The following CCT6A variants were observed in gnomAD, a reference collection of about 807,000 sequenced individuals.
The protein encoded by CCT6A is chaperonin containing TCP1 subunit 6A.
In CCT6A, 6 loss-of-function variants were observed where a neutral mutation model predicts 58.6. The ratio of observed to expected loss-of-function variants is 0.10; its 90% CI spans 0.06 to 0.20. The LOEUF is 0.20. CCT6A is among the 10% of genes least tolerant of loss of function. The probability of loss-of-function intolerance (pLI) is 1.00; values close to 1 mark genes in which losing one functional copy is unlikely to be tolerated. For synonymous variants in CCT6A, 245 were observed against 227.8 expected (o/e 1.08, Z -0.68); for missense variants, 516 against 648.8 (o/e 0.80, Z 2.22).
At chr7:56,052,092 G>A (rs1794110279) in intron 1 of CCT6A, 107 bp downstream of exon 1, 2 of 990,424 alleles carry the variant, frequency 2.0e-6, no homozygotes, top group Non-Finnish European at 2.7e-6. Context: ...CTGCGCAGCC[G>A]TCCTTCTCGG....
intron 1 of CCT6A, among the ~76,000 whole-genome samples, 163 bp downstream of exon 1, chr7:56,052,148 C>T (rs1794118604): frequency 6.6e-6 from 1 of 152,156 alleles, no homozygotes; most frequent in Non-Finnish European, 1.5e-5. Context: ...CCCACCGTCC[C>T]GGCCATTTCT....
chr7:56,063,294 G>A lies in CCT6A; in HGVS notation c.*209G>A, dbSNP rs1794516067. On this transcript the variant is annotated 3_prime_UTR_variant, in exon 14 of 14. Transcript: ENST00000275603. ...ACTGAAGTGTATACACATAAAGCAG[G>A]TCTTTTATCCAGTGAACAGGATGTT... 1 of 568,104 alleles carries A rather than the reference G, an allele frequency of 1.8e-6. No individual in the cohort carries two copies. The highest frequency in any genetic ancestry group is 3.1e-6 in the Non-Finnish European group (1 of 320,142). 35.2% of individuals were successfully genotyped at this position (568,104 alleles called of 1,614,324 possible). A position where few individuals can be genotyped will look rare whatever the true frequency, so the allele number is the denominator to read the frequency against.
rs1794530832 is a variant in CCT6A at position 56,063,602 on chromosome 7, A to T, written c.*517A>T. On this transcript the variant is annotated 3_prime_UTR_variant, in exon 14 of 14. Coordinates refer to ENST00000275603, the MANE Select transcript of CCT6A (RefSeq NM_001762.4). ...GAACGCCTTTGAAATGGCTTTGCTA[A>T]AATGCTCCCGCCACAAAGTTGTAGG... The T allele has an allele frequency of 6.1e-6, 1 of 165,080 alleles. No individual in the cohort carries two copies. The highest frequency in any genetic ancestry group is 1.8e-4 in the East Asian group (1 of 5,422). 10.2% of individuals were successfully genotyped at this position (165,080 alleles called of 1,614,324 possible).
rs1025706655 is a variant in CCT6A, at chr7:56,054,283, C to G, written c.202-86C>G. On this transcript the variant is annotated intron_variant, in intron 2 of 13. Transcript: ENST00000275603. ...GTAGCTTTTTCAAGTAGATAGCACT[C>G]AAAGAGGCCCTTCCTGCATTTTGTC... 6 of 1,173,522 alleles carry G rather than the reference C, an allele frequency of 5.1e-6. No homozygotes were observed. The Admixed American group carries it at 6.0e-5, about 12-fold the overall frequency. The allele number at this position is 1,173,522 out of a possible 1,614,324, so 72.7% of individuals were successfully genotyped here.
At position 56,058,349 on chromosome 7, in the gene CCT6A, T is replaced by C. The variant is rs1242829546; in HGVS notation, c.726-13T>C. 10 of 1,551,222 alleles carry C rather than the reference T, an allele frequency of 6.4e-6. No individual in the cohort carries two copies. Among genetic ancestry groups the C allele is most frequent in the Non-Finnish European group, 8.7e-6 (10 of 1,153,842 alleles). ...GTTTCCCTGCTTTCTGTAACTTTTT[T>C]TTTTCTTAATAGAGAAGTGAATTCT... On this transcript the variant is annotated splice_polypyrimidine_tract_variant and intron_variant, in intron 6 of 13. Coordinates refer to ENST00000275603, the MANE Select transcript of CCT6A (RefSeq NM_001762.4).
At chr7:56,062,169 A>T (rs1794459234) in intron 12 of CCT6A, 1 of 228,382 alleles carries the variant, frequency 4.4e-6, no homozygotes, top group South Asian at 8.6e-5. Flanking sequence ...AAGAAAATAG[A>T]TGTGGTGATT....
rs566851687 is a variant in CCT6A, at chr7:56,052,106, C to T, written c.137+121C>T. ...GCTGCGCAGCCGTCCTTCTCGGCGTCCTCCGGGGTCGGTCCTGTGTCCCTC... is the reference window on the plus strand; with the variant it reads ...GCTGCGCAGCCGTCCTTCTCGGCGTTCTCCGGGGTCGGTCCTGTGTCCCTC... On this transcript the variant is annotated intron_variant, in intron 1 of 13. Transcript: ENST00000275603. 1,083 of 871,602 alleles carry T rather than the reference C, an allele frequency of 1.2e-3. 3 individuals carry two copies. Among genetic ancestry groups the T allele is most frequent in the Middle Eastern group, 4.5e-3 (12 of 2,688 alleles). The allele number at this position is 871,602 out of a possible 1,614,324, so 54.0% of individuals were successfully genotyped here. A position where few individuals can be genotyped will look rare whatever the true frequency, so the allele number is the denominator to read the frequency against.
chr7:56,052,086 G>A (rs1312272836), intron 1 of CCT6A, 101 bp downstream of exon 1: 3 of 1,045,170 alleles, frequency 2.9e-6, no homozygotes, highest in African/African-American at 3.4e-5. Context: ...TCGGGGCTGC[G>A]CAGCCGTCCT....
intron 2 of CCT6A, among the ~76,000 whole-genome samples, chr7:56,053,612 G>A (rs944064563): frequency 6.6e-6 from 1 of 152,064 alleles, no homozygotes; most frequent in East Asian, 1.9e-4. Flanking sequence ...AAATTAGCCG[G>A]GTGTGGTCCT....
At chr7:56,052,267 G>GACGGGGTGGGC (rs1402975145) in intron 1 of CCT6A, among the ~76,000 whole-genome samples, 155 bp from the exon 2 acceptor site, 3 of 152,220 alleles carry the variant, frequency 2.0e-5, no homozygotes, top group Non-Finnish European at 2.9e-5. Context: ...TCTCTGCGGG[G>GACGGGGTGGGC]ACGGGGTGGG....
rs191804311 is a variant in CCT6A, at chr7:56,052,768, A to T, written c.201+283A>T. Among the ~76,000 whole-genome samples, 18 of 146,082 alleles carry T rather than the reference A, an allele frequency of 1.2e-4. No homozygotes were observed. The East Asian group carries it at 3.5e-3, about 28-fold the overall frequency. On this transcript the variant is annotated intron_variant, in intron 2 of 13. Transcript: ENST00000275603. ...TGACACAATCACATGGGCAAAATGC[A>T]TGAGGATGATTTTTCTTTTCTTTTC...
chr7:56,061,373 GTT>G (rs34651360), intron 11 of CCT6A, among the ~76,000 whole-genome samples: 6,263 of 117,466 alleles, frequency 0.053, 159 homozygotes, highest in East Asian at 0.2. Flanking sequence ...TATGCAATGA[GTT>G]TTTTTTTTTT....
intron 1 of CCT6A, 35 bp from the exon 2 acceptor site, chr7:56,052,387 A>C (rs773261285): frequency 7.8e-5 from 124 of 1,594,878 alleles, no homozygotes; most frequent in Non-Finnish European, 1.0e-4. Context: ...TCGTTGAAAA[A>C]GTCATAGTCT....
intron 5 of CCT6A, among the ~76,000 whole-genome samples, chr7:56,057,632 G>A (rs538871671): frequency 1.3e-5 from 2 of 152,312 alleles, no homozygotes; most frequent in African/African-American, 4.8e-5. Context: ...TGTAATCCCA[G>A]CACTTTGGGA....
At position 56,060,269 on chromosome 7, in the gene CCT6A, GGAGAA is replaced by G; in HGVS notation, c.1073_1077del (p.Glu358ValfsTer5). 6.2e-7 allele frequency: 1 copy of G among 1,612,976 alleles called. No homozygotes were observed. The highest frequency in any genetic ancestry group is 8.5e-7 in the Non-Finnish European group (1 of 1,179,128). ...AAAATCATATTTTTTCTACACATAG[GGAGAA>G]GAGAAGTTTACCTTTATTGAGAAAT... is the stretch of plus-strand genomic sequence containing the variant. On this transcript the variant is annotated frameshift_variant and splice_region_variant, in exon 10 of 14. Transcript: ENST00000275603. LOFTEE classifies it high-confidence loss of function.
In CCT6A at chr7:56,058,526, G is replaced by A. The variant is rs772187611; in HGVS notation, c.885+5G>A. 1.4e-5 allele frequency: 22 copies of A among 1,590,220 alleles called. No homozygotes were observed. The East Asian group carries it at 4.7e-4, about 34-fold the overall frequency. On this transcript the variant is annotated splice_donor_5th_base_variant and intron_variant, in intron 7 of 13. Transcript: ENST00000275603. ...TTTGTTGTTATTAATCAAAAGGTGA[G>A]AATGAAAACTCAATGTATAAACTAA... is the stretch of plus-strand genomic sequence containing the variant.
chr7:56,059,167 C>T (rs750221517), intron 8 of CCT6A, among the ~76,000 whole-genome samples: 3 of 151,790 alleles, frequency 2.0e-5, no homozygotes, highest in Non-Finnish European at 4.4e-5. Flanking sequence ...CACTGAATTG[C>T]TTTGTGTTTT....
chr7:56,063,478 A>G lies in CCT6A; in HGVS notation c.*393A>G, dbSNP rs1794522012. The G allele has an allele frequency of 5.4e-6, 1 of 185,892 alleles. No homozygotes were observed. The highest frequency in any genetic ancestry group is 5.5e-5 in the Admixed American group (1 of 18,268). 11.5% of individuals were successfully genotyped at this position (185,892 alleles called of 1,614,324 possible). On this transcript the variant is annotated 3_prime_UTR_variant, in exon 14 of 14. Transcript: ENST00000275603. ...CCTATTGTTAAGCATTTGGTTTTAA[A>G]ATTTTTATGCTAATATAAATGCTCA...
Position 56,063,797 on chromosome 7 carries a change from A to C in CCT6A, c.*712A>C. On this transcript the variant is annotated 3_prime_UTR_variant, in exon 14 of 14. Transcript: ENST00000275603. ...ACTGTATTTTCAAGCTTCTGAACTTAGGCAAAATATTCATCGCAAAGTCTC... is the reference window on the plus strand; with the variant it reads ...ACTGTATTTTCAAGCTTCTGAACTTCGGCAAAATATTCATCGCAAAGTCTC... 6.3e-6 allele frequency: 1 copy of C among 159,974 alleles called. No homozygotes were observed. Among genetic ancestry groups the C allele is most frequent in the South Asian group, 1.7e-4 (1 of 6,036 alleles). The allele number at this position is 159,974 out of a possible 1,614,324, so 9.9% of individuals were successfully genotyped here.
Sources: allele counts gnomAD v4.1 joint callset (sites outside exome capture counted in the v4.1 genomes callset), GRCh38; gene constraint gnomAD v4.1.1; transcripts MANE v1.5; gene names NCBI Gene and HGNC (gene_info 2026-07-23, HGNC 2026-07-21).